The following KCNK2 variants were observed in gnomAD, a reference collection of about 807,000 sequenced individuals.
KCNK2 encodes potassium two pore domain channel subfamily K member 2, also known as potassium channel subfamily K member 2.
In KCNK2, 21 loss-of-function variants were observed where a neutral mutation model predicts 40.5. The observed-to-expected ratio is 0.52, with a 90% CI of 0.37 to 0.75. The LOEUF (loss-of-function observed/expected upper bound fraction) is 0.75, where lower values mean the gene tolerates loss of function less well. Ranked by LOEUF, KCNK2 falls within the 30% of genes least tolerant of loss-of-function variation. The pLI is 0.00. For synonymous variants in KCNK2, 191 were observed against 202.2 expected (o/e 0.94, Z 0.47); for missense variants, 399 against 531.6 (o/e 0.75, Z 2.45).
intron 5 of KCNK2, among the ~76,000 whole-genome samples, chr1:215,193,897 C>G (rs1298438450): frequency 6.6e-6 from 1 of 152,160 alleles, no homozygotes; most frequent in Non-Finnish European, 1.5e-5. Context: ...ATTTTCCACA[C>G]TGTGCTATTC....
At chr1:215,050,862 A>C (rs1657961390) in intron 1 of KCNK2, among the ~76,000 whole-genome samples, 1 of 152,124 alleles carries the variant, frequency 6.6e-6, no homozygotes, top group Non-Finnish European at 1.5e-5. Flanking sequence ...AGTTGAACAA[A>C]GTTGAGTTTA....
intron 3 of KCNK2, among the ~76,000 whole-genome samples, chr1:215,130,755 C>A (rs191701878): frequency 1.2e-3 from 177 of 152,236 alleles, no homozygotes; most frequent in Non-Finnish European, 1.7e-3. Context: ...GAAAGGTGGA[C>A]AGATATGTGG....
intron 2 of KCNK2, among the ~76,000 whole-genome samples, chr1:215,100,921 T>G (rs993437022): frequency 1.3e-5 from 2 of 152,062 alleles, no homozygotes; most frequent in African/African-American, 4.8e-5. Flanking sequence ...GTTTGGATAT[T>G]TGGAAACATA....
At chr1:215,170,489 T>C (rs986040684) in intron 4 of KCNK2, among the ~76,000 whole-genome samples, 12 of 152,192 alleles carry the variant, frequency 7.9e-5, no homozygotes, top group African/African-American at 2.7e-4. Flanking sequence ...TAAATTTTGT[T>C]CATTGTTTAG....
chr1:215,148,693 G>A (rs4655392), intron 3 of KCNK2, among the ~76,000 whole-genome samples: 86,294 of 152,004 alleles, frequency 0.57, 26,463 homozygotes, highest in Non-Finnish European at 0.68. Flanking sequence ...GCCTGTAACC[G>A]AATGATGAGA....
chr1:215,136,621 G>T (rs1161330565), intron 3 of KCNK2, among the ~76,000 whole-genome samples: 2 of 152,146 alleles, frequency 1.3e-5, no homozygotes, highest in Non-Finnish European at 2.9e-5. Context: ...AGGCAGGAGG[G>T]TTCTCCTCAT....
intron 3 of KCNK2, among the ~76,000 whole-genome samples, chr1:215,131,061 C>T (rs1340567212): frequency 2.0e-5 from 3 of 150,776 alleles, no homozygotes; most frequent in Non-Finnish European, 1.5e-5. Context: ...GGGGTTTCAC[C>T]GTGTTAGCCA....
chr1:215,110,680 A>G (rs1660643922), intron 2 of KCNK2, among the ~76,000 whole-genome samples: 1 of 152,040 alleles, frequency 6.6e-6, no homozygotes, highest in Non-Finnish European at 1.5e-5. Context: ...TTAATATACT[A>G]TTTTTAAAGC....
chr1:215,065,155 AG>A (rs1221011350), intron 1 of KCNK2, among the ~76,000 whole-genome samples: 1 of 152,212 alleles, frequency 6.6e-6, no homozygotes, highest in Non-Finnish European at 1.5e-5. Context: ...GTATTTTAAA[AG>A]TTTCTTCTAA....
At chr1:215,117,890 A>T (rs1558098972) in intron 2 of KCNK2, among the ~76,000 whole-genome samples, 1 of 152,104 alleles carries the variant, frequency 6.6e-6, no homozygotes, top group African/African-American at 2.4e-5. Context: ...ACCTAATTTA[A>T]TATGTAAAAT....
chr1:215,135,254 A>G (rs1460993173), intron 3 of KCNK2, among the ~76,000 whole-genome samples: 1 of 152,176 alleles, frequency 6.6e-6, no homozygotes, highest in African/African-American at 2.4e-5. Flanking sequence ...TGTCTTTGCC[A>G]CTAGCTAGGC....
intron 3 of KCNK2, among the ~76,000 whole-genome samples, chr1:215,162,156 G>C (rs1017496145): frequency 5.3e-5 from 8 of 152,110 alleles, no homozygotes; most frequent in African/African-American, 1.7e-4. Flanking sequence ...GTTTTGATTT[G>C]CATTTCTCTA....
chr1:215,212,811 A>G (rs12031738), intron 6 of KCNK2, among the ~76,000 whole-genome samples: 2 of 152,336 alleles, frequency 1.3e-5, no homozygotes, highest in East Asian at 3.9e-4. Flanking sequence ...GAGATGATGT[A>G]TCTGAGATTC....
At chr1:215,111,486 A>T (rs1014519797) in intron 2 of KCNK2, among the ~76,000 whole-genome samples, 2 of 152,036 alleles carry the variant, frequency 1.3e-5, no homozygotes, top group Non-Finnish European at 2.9e-5. Context: ...CTATCAAATG[A>T]TGTTTGTTGA....
chr1:215,027,813 G>T (rs749896857), intron 1 of KCNK2, among the ~76,000 whole-genome samples: 1 of 152,264 alleles, frequency 6.6e-6, no homozygotes, highest in East Asian at 1.9e-4. Context: ...GAGAATATCT[G>T]TTGGATCTAA....
chr1:215,158,644 A>G (rs530340672), intron 3 of KCNK2, among the ~76,000 whole-genome samples: 40 of 152,262 alleles, frequency 2.6e-4, no homozygotes, highest in Non-Finnish European at 4.0e-4. Context: ...ATATGACTCT[A>G]AAGACATTTG....
chr1:215,165,474 T>C (rs550373575), intron 3 of KCNK2, among the ~76,000 whole-genome samples: 13 of 152,160 alleles, frequency 8.5e-5, no homozygotes, highest in Admixed American at 3.9e-4. Flanking sequence ...AACCTGGCTA[T>C]TAAATAGTTT....
chr1:215,065,066 C>G (rs555562880), intron 1 of KCNK2, among the ~76,000 whole-genome samples: 5 of 152,238 alleles, frequency 3.3e-5, no homozygotes, highest in African/African-American at 1.2e-4. Flanking sequence ...TAAAGTAGTT[C>G]TAAGCTGGGA....
intron 6 of KCNK2, among the ~76,000 whole-genome samples, chr1:215,195,317 T>C (rs1664819103): frequency 6.6e-6 from 1 of 152,028 alleles, no homozygotes; most frequent in African/African-American, 2.4e-5. Context: ...CTGAGGGTAA[T>C]TTCTAATGAA....
Sources: gnomAD v4.1 joint callset for allele counts (sites outside exome capture counted in the v4.1 genomes callset) on GRCh38, gnomAD v4.1.1 for gene constraint, MANE v1.5 for transcripts, NCBI Gene and HGNC (gene_info 2026-07-23, HGNC 2026-07-21) for gene names.